The following UTRN variants were observed in gnomAD, a reference collection of about 807,000 sequenced individuals.
UTRN encodes the protein dystrophin-related protein 1.
In UTRN, 283 loss-of-function variants were observed where a neutral mutation model predicts 463.9. That is an observed-to-expected ratio of 0.61 (90% CI 0.55 to 0.67). UTRN has a LOEUF of 0.67. Ranked by LOEUF, UTRN falls within the 30% of genes least tolerant of loss-of-function variation. UTRN has a pLI of 0.00. For synonymous variants in UTRN, 1,442 were observed against 1,431.5 expected (o/e 1.01, Z -0.17); for missense variants, 3,922 against 4,084.3 (o/e 0.96, Z 1.08).
intron 54 of UTRN, among the ~76,000 whole-genome samples, chr6:144,745,768 A>G (rs1404971041): frequency 1.3e-5 from 2 of 152,298 alleles, no homozygotes; most frequent in Non-Finnish European, 2.9e-5. Flanking sequence ...GAAAATTACC[A>G]TAATTAAGTT....
At position 144,333,970 on chromosome 6, in the gene UTRN, A is replaced by C. The variant is rs117644551; in HGVS notation, c.79+42063A>C. Among the ~76,000 whole-genome samples, 754 of 152,320 alleles carry C rather than the reference A, an allele frequency of 5.0e-3. 5 individuals are homozygous for C. Among genetic ancestry groups the C allele is most frequent in the Non-Finnish European group, 8.0e-3 (544 of 68,036 alleles). ...GCACTGTGATAGTCACTAGGTATTA[A>C]AAAAGTACATTGATGATCGATGCTA... On this transcript the variant is annotated intron_variant, in intron 2 of 74. Transcript: ENST00000367545.
At chr6:144,570,708 GTGTGC>G (rs1800860408) in intron 50 of UTRN, among the ~76,000 whole-genome samples, 1 of 152,318 alleles carries the variant, frequency 6.6e-6, no homozygotes, top group Admixed American at 6.5e-5. Context: ...GGTCACCAAA[GTGTGC>G]TGCTGAAGTT....
At chr6:144,524,692 G>T (rs1796408315) in intron 41 of UTRN, among the ~76,000 whole-genome samples, 1 of 151,962 alleles carries the variant, frequency 6.6e-6, no homozygotes, top group Non-Finnish European at 1.5e-5. Flanking sequence ...TCTTTCTCTT[G>T]TCTGATTGCT....
At chr6:144,567,105 C>G (rs774119335) in intron 50 of UTRN, among the ~76,000 whole-genome samples, 2 of 152,104 alleles carry the variant, frequency 1.3e-5, no homozygotes, top group Non-Finnish European at 2.9e-5. Context: ...TGTGATCACA[C>G]CACTGCACTC....
chr6:144,538,288 G>A (rs927700664), intron 44 of UTRN, among the ~76,000 whole-genome samples: 1 of 151,886 alleles, frequency 6.6e-6, no homozygotes, highest in Non-Finnish European at 1.5e-5. Context: ...CATAAATTTT[G>A]TATTCATAAA....
chr6:144,673,412 CTT>C (rs1489164771), intron 51 of UTRN, among the ~76,000 whole-genome samples: 23 of 151,874 alleles, frequency 1.5e-4, no homozygotes, highest in Non-Finnish European at 3.2e-4. Context: ...TTTCTTGTCT[CTT>C]TAGTTTTTGC....
intron 50 of UTRN, among the ~76,000 whole-genome samples, chr6:144,576,322 T>C (rs189211697): frequency 4.4e-4 from 67 of 152,276 alleles, no homozygotes; most frequent in Admixed American, 7.8e-4. Flanking sequence ...TTTCTTATTA[T>C]AGAGCTCTGA....
intron 19 of UTRN, among the ~76,000 whole-genome samples, chr6:144,454,828 T>G (rs1352180780): frequency 6.6e-6 from 1 of 152,176 alleles, no homozygotes; most frequent in Non-Finnish European, 1.5e-5. Context: ...TAAAATTTAC[T>G]TACATTGAAA....
chr6:144,815,855 A>G (rs949826994), intron 65 of UTRN, among the ~76,000 whole-genome samples: 1 of 152,228 alleles, frequency 6.6e-6, no homozygotes, highest in Non-Finnish European at 1.5e-5. Flanking sequence ...CTTCAATCCA[A>G]TCAAGTTGAC....
intron 2 of UTRN, among the ~76,000 whole-genome samples, chr6:144,305,839 A>G (rs1222775274): frequency 2.0e-5 from 3 of 152,254 alleles, no homozygotes; most frequent in South Asian, 2.1e-4. Flanking sequence ...ATGCTCAGCT[A>G]TGAGCCCTCA....
In UTRN at chr6:144,537,717, A is replaced by G. The variant is rs775563957; in HGVS notation, c.6369A>G (p.Arg2123=). ...TELGENLQEL[R]DLTQEMEVHA... ...TGGGAGAAAACCTGCAAGAATTAAG[A>G]GTAAGTTGTTTATTTCTGTCTATAT... The change falls in exon 44 of 75, where the codon AGA becomes AGG. Residue 2123 remains arginine (R), a splice_region_variant and synonymous_variant. Coordinates refer to ENST00000367545, the MANE Select transcript of UTRN (RefSeq NM_007124.3). The G allele has an allele frequency of 1.2e-6, 2 of 1,608,950 alleles. No individual in the cohort carries two copies. Among genetic ancestry groups the G allele is most frequent in the Non-Finnish European group, 1.7e-6 (2 of 1,177,876 alleles).
chr6:144,732,214 T>TTATATATATATATATATA (rs1174420940), intron 54 of UTRN, among the ~76,000 whole-genome samples: 4 of 92,302 alleles, frequency 4.3e-5, no homozygotes, highest in East Asian at 5.0e-4. Flanking sequence ...GTACTCTGTT[T>TTATATATATATATATATA]TATATATATA....
intron 32 of UTRN, among the ~76,000 whole-genome samples, 186 bp from the exon 33 acceptor site, chr6:144,493,112 TGAA>T (rs1793224555): frequency 6.6e-6 from 1 of 152,230 alleles, no homozygotes; most frequent in Non-Finnish European, 1.5e-5. Flanking sequence ...TTGTCAGATT[TGAA>T]GAAGTTATTA....
intron 50 of UTRN, among the ~76,000 whole-genome samples, chr6:144,558,544 A>G (rs138942628): frequency 0.021 from 3,146 of 152,282 alleles, 93 homozygotes; most frequent in African/African-American, 0.071. Flanking sequence ...ATGTGAGTCA[A>G]TGGGTGCAGC....
chr6:144,495,664 C>T (rs1364645054), intron 33 of UTRN, among the ~76,000 whole-genome samples: 1 of 152,218 alleles, frequency 6.6e-6, no homozygotes, highest in Non-Finnish European at 1.5e-5. Flanking sequence ...GCGCCGAGAG[C>T]GAGCGAGGGC....
At chr6:144,540,200 A>G (rs1197640585) in intron 45 of UTRN, among the ~76,000 whole-genome samples, 8 of 151,444 alleles carry the variant, frequency 5.3e-5, no homozygotes, top group Admixed American at 3.3e-4. Context: ...TACAACTAAT[A>G]TCTTTCCCTC....
At chr6:144,486,420 C>T (rs1792457821) in intron 28 of UTRN, among the ~76,000 whole-genome samples, 1 of 152,076 alleles carries the variant, frequency 6.6e-6, no homozygotes, top group Admixed American at 6.5e-5. Flanking sequence ...CTAAGATAAA[C>T]ATTTTAAAAC....
intron 65 of UTRN, among the ~76,000 whole-genome samples, chr6:144,809,213 A>G (rs186511176): frequency 8.4e-4 from 128 of 152,234 alleles, no homozygotes; most frequent in African/African-American, 2.9e-3. Flanking sequence ...GTTAAATACT[A>G]AGGATAATGG....
chr6:144,746,396 A>G (rs1355883265), intron 54 of UTRN, among the ~76,000 whole-genome samples: 1 of 152,194 alleles, frequency 6.6e-6, no homozygotes, highest in African/African-American at 2.4e-5. Context: ...AGCCTTTGCA[A>G]TCCTGACATG....
Sources: gnomAD v4.1 joint callset for allele counts (sites outside exome capture counted in the v4.1 genomes callset) on GRCh38, gnomAD v4.1.1 for gene constraint, MANE v1.5 for transcripts, NCBI Gene and HGNC (gene_info 2026-07-23, HGNC 2026-07-21) for gene names.